The following GJB3 variants were observed in gnomAD, a reference collection of about 807,000 sequenced individuals.
The protein encoded by GJB3 is gap junction beta-3 protein.
In GJB3, 6 loss-of-function variants were observed where a neutral mutation model predicts 8.1. The ratio of observed to expected loss-of-function variants is 0.75; its 90% CI spans 0.41 to 1.47. The LOEUF (loss-of-function observed/expected upper bound fraction) is 1.47. Among genes scored for constraint, GJB3 ranks in the 40% most tolerant of loss-of-function variants. The pLI, the probability that GJB3 is intolerant of heterozygous loss-of-function variation, is 0.02. For synonymous variants in GJB3, 137 were observed against 156.4 expected, an observed-to-expected ratio of 0.88 and a Z score of 0.93; for missense variants, 348 against 365.6, an observed-to-expected ratio of 0.95 and a Z score of 0.39.
rs376748531 is a variant in GJB3 at position 34,785,261 on chromosome 1, G to A, written c.499G>A (p.Val167Met). 241 of 1,613,752 alleles carry A rather than the reference G, an allele frequency of 1.5e-4. 1 individual carries two copies. The South Asian group carries it at 1.8e-3, about 12-fold the overall frequency. Residue 167 changes from valine (V) to methionine (M), a missense_variant, in exon 2 of 2, where the codon GTG becomes ATG. Transcript: ENST00000373366. This position sits in a 1 kb window ranked among gnomAD's most constrained non-coding sequence, Gnocchi z 4.7. ...GCCGCGCCTGGTGCAGTGTGCCAAC[G>A]TGGCCCCCTGCCCCAACATCGTGGA... is the stretch of plus-strand genomic sequence containing the variant. ...NMPRLVQCAN[V>M]APCPNIVDCY...
At chr1:34,784,374 G>C (rs1640063682) in intron 1 of GJB3, among the ~76,000 whole-genome samples, 1 of 152,212 alleles carries the variant, frequency 6.6e-6, no homozygotes. Context: ...TCATCTGTAA[G>C]TGAGGAGCAC....
rs368929234 is a variant in GJB3, at chr1:34,785,588, G to A, written c.*13G>A. 1.6e-4 allele frequency: 252 copies of A among 1,609,640 alleles called. No individual in the cohort carries two copies. The highest frequency in any genetic ancestry group is 2.0e-4 in the Non-Finnish European group (237 of 1,176,446). On this transcript the variant is annotated 3_prime_UTR_variant, in exon 2 of 2. Coordinates refer to ENST00000373366, the MANE Select transcript of GJB3 (RefSeq NM_024009.3). This position sits in a 1 kb window ranked among gnomAD's most constrained non-coding sequence, Gnocchi z 4.7. ...GACCCCCATCTGACCACAGGGCAGG[G>A]GTGGGGCAACATGCGGGCTGCCAAT...
At chr1:34,784,299 A>T (rs1640062449) in intron 1 of GJB3, among the ~76,000 whole-genome samples, 1 of 152,236 alleles carries the variant, frequency 6.6e-6, no homozygotes, top group African/African-American at 2.4e-5. Flanking sequence ...CACAGTAATG[A>T]GTAGCCAGCA....
chr1:34,785,665 AC>A lies in GJB3; in HGVS notation c.*94del. The A allele has an allele frequency of 9.7e-7, 1 of 1,030,064 alleles. No homozygotes were observed. Among genetic ancestry groups the A allele is most frequent in the Non-Finnish European group, 1.5e-6 (1 of 676,666 alleles). The allele number at this position is 1,030,064 out of a possible 1,614,324, so 63.8% of individuals were successfully genotyped here. On this transcript the variant is annotated 3_prime_UTR_variant, in exon 2 of 2. Coordinates refer to ENST00000373366, the MANE Select transcript of GJB3 (RefSeq NM_024009.3). The surrounding 1 kb of genome is among the most constrained non-coding windows in gnomAD (Gnocchi z 4.7). ...GGAGAGGTCCTACAGGGGCTGAGTG[AC>A]CCCACTCTGAGTTCACTAAGTTATG...
Sources: gnomAD v4.1 joint callset for allele counts (sites outside exome capture counted in the v4.1 genomes callset) on GRCh38, gnomAD v4.1.1 for gene constraint, Gnocchi (gnomAD v3.1) non-coding constraint, MANE v1.5 for transcripts, NCBI Gene and HGNC (gene_info 2026-07-23, HGNC 2026-07-21) for gene names.